CDH8: variants seen among roughly 807,000 people sequenced by gnomAD.
The protein encoded by CDH8 is cadherin-8.
A neutral mutation model predicts 68.1 loss-of-function variants in CDH8; 17 were observed. The observed-to-expected ratio is 0.25, with a 90% CI of 0.17 to 0.37. The LOEUF (loss-of-function observed/expected upper bound fraction) is 0.37. Among genes scored for constraint, CDH8 ranks in the 10% least tolerant of loss-of-function variants. The pLI is 1.00. For missense variants in CDH8, 763 were observed against 999.3 expected, an observed-to-expected ratio of 0.76 and a Z score of 3.19; for synonymous variants, 372 against 365.1, an observed-to-expected ratio of 1.02 and a Z score of -0.21.
Position 61,653,802 on chromosome 16 carries a change from G to A in CDH8, c.2206C>T (p.Pro736Ser). The change falls in exon 12 of 12, where the codon CCC becomes TCC. Residue 736 changes from proline to serine, a missense_variant. Physicochemically the swap from Pro to Ser is moderately conservative, Grantham distance 74 (BLOSUM62 -1). Transcript: ENST00000577390. ...NVRLHEADND[P>S]TAPPYDSIQI... ...ATGGAGTCATATGGCGGGGCCGTGG[G>A]ATCATTATCTGCCTCATGCAGCCTT... The A allele has an allele frequency of 6.2e-7, 1 of 1,614,128 alleles. No individual in the cohort carries two copies. The highest frequency in any genetic ancestry group is 1.1e-5 in the South Asian group (1 of 91,084).
intron 2 of CDH8, among the ~76,000 whole-genome samples, chr16:62,017,749 G>A (rs1901975959): frequency 6.6e-6 from 1 of 152,016 alleles, no homozygotes; most frequent in Non-Finnish European, 1.5e-5. Flanking sequence ...TGTTGCTTCT[G>A]ACCGAGGGAA....
intron 2 of CDH8, among the ~76,000 whole-genome samples, chr16:62,017,600 G>A (rs913318462): frequency 6.6e-6 from 1 of 152,158 alleles, no homozygotes; most frequent in Non-Finnish European, 1.5e-5. Flanking sequence ...ACTTGTGCCT[G>A]GGAGATCGAG....
At chr16:62,002,857 T>G (rs1050878215) in intron 2 of CDH8, among the ~76,000 whole-genome samples, 4 of 152,086 alleles carry the variant, frequency 2.6e-5, no homozygotes, top group Non-Finnish European at 5.9e-5. Flanking sequence ...ATCAAGACCA[T>G]CCTGGCTAAC....
At chr16:61,922,757 T>C (rs1426290957) in intron 2 of CDH8, among the ~76,000 whole-genome samples, 1 of 152,182 alleles carries the variant, frequency 6.6e-6, no homozygotes. Flanking sequence ...TGTAGATTCA[T>C]TCACATGGAA....
At chr16:61,846,399 A>G (rs1962806931) in intron 4 of CDH8, among the ~76,000 whole-genome samples, 1 of 152,042 alleles carries the variant, frequency 6.6e-6, no homozygotes, top group South Asian at 2.1e-4. Flanking sequence ...TACCCCACAC[A>G]TTTTGTCCCT....
intron 10 of CDH8, among the ~76,000 whole-genome samples, chr16:61,699,634 G>A (rs573841097): frequency 2.0e-5 from 3 of 152,192 alleles, no homozygotes; most frequent in African/African-American, 7.2e-5. Context: ...GAGTACAATG[G>A]CATGATCTTG....
chr16:61,943,876 A>G (rs1330538994), intron 2 of CDH8, among the ~76,000 whole-genome samples: 1 of 152,240 alleles, frequency 6.6e-6, no homozygotes, highest in Non-Finnish European at 1.5e-5. Context: ...CAGAAGAGTT[A>G]GGTGAGAACT....
At chr16:61,873,644 A>G (rs1477299465) in intron 3 of CDH8, among the ~76,000 whole-genome samples, 2 of 152,118 alleles carry the variant, frequency 1.3e-5, no homozygotes, top group Non-Finnish European at 2.9e-5. Flanking sequence ...TTTGTTTTTG[A>G]ATTTTGATTT....
chr16:61,848,730 A>T (rs1335682540), intron 4 of CDH8, among the ~76,000 whole-genome samples: 1 of 152,118 alleles, frequency 6.6e-6, no homozygotes, highest in Non-Finnish European at 1.5e-5. Flanking sequence ...GACACCTATT[A>T]GAAACTTAAA....
At chr16:61,831,339 T>G (rs1407118281) in intron 4 of CDH8, among the ~76,000 whole-genome samples, 1 of 151,826 alleles carries the variant, frequency 6.6e-6, no homozygotes, top group Non-Finnish European at 1.5e-5. Context: ...AGGATCATCT[T>G]GTTTAAAACC....
chr16:61,767,812 TA>T (rs1479554100), intron 8 of CDH8, among the ~76,000 whole-genome samples: 1 of 151,908 alleles, frequency 6.6e-6, no homozygotes, highest in Non-Finnish European at 1.5e-5. Context: ...TAAGTTACAA[TA>T]AAAAATAATA....
intron 3 of CDH8, among the ~76,000 whole-genome samples, chr16:61,893,215 T>C (rs1459413515): frequency 6.6e-6 from 1 of 152,068 alleles, no homozygotes; most frequent in Non-Finnish European, 1.5e-5. Flanking sequence ...CCTGTGTGAG[T>C]CTGTATCTTT....
rs570276835 is a variant in CDH8, at chr16:61,933,021, C to T, written c.253-31548G>A. The stretch of plus-strand genomic sequence containing the variant: ...TTGGTCAGTATAAATGAGGGATAAC[C>T]GCCCTTATTAAAAGGAAGTAATATT... On this transcript the variant is annotated intron_variant, in intron 2 of 11. Transcript: ENST00000577390. 1.1e-4 allele frequency among the ~76,000 whole-genome samples: 16 copies of T among 152,202 alleles called. No individual in the cohort carries two copies. In the South Asian group the frequency reaches 2.1e-3, roughly 20 times the overall value.
At chr16:61,704,524 T>C (rs1267495893) in intron 10 of CDH8, among the ~76,000 whole-genome samples, 1 of 152,186 alleles carries the variant, frequency 6.6e-6, no homozygotes, top group Non-Finnish European at 1.5e-5. Context: ...AAAGATCACT[T>C]CCATGATTTT....
intron 4 of CDH8, among the ~76,000 whole-genome samples, chr16:61,852,215 C>T (rs1962951527): frequency 6.6e-6 from 1 of 152,036 alleles, no homozygotes. Context: ...GTGAGAAAGA[C>T]ATTTTACTTC....
At chr16:61,674,954 A>C (rs1300884521) in intron 10 of CDH8, among the ~76,000 whole-genome samples, 1 of 151,694 alleles carries the variant, frequency 6.6e-6, no homozygotes, top group Admixed American at 6.6e-5. Context: ...CAAAAAAAAA[A>C]AAACAAAAAA....
intron 4 of CDH8, among the ~76,000 whole-genome samples, chr16:61,838,590 T>C (rs1259340480): frequency 6.6e-6 from 1 of 152,140 alleles, no homozygotes; most frequent in Admixed American, 6.6e-5. Flanking sequence ...TTTTCTGTTT[T>C]TGTGCTTCTT....
intron 10 of CDH8, among the ~76,000 whole-genome samples, chr16:61,709,611 G>T (rs902367723): frequency 3.4e-4 from 52 of 152,186 alleles, no homozygotes; most frequent in African/African-American, 1.0e-3. Flanking sequence ...GGGAGAGATG[G>T]AAGTTTGGAG....
At chr16:62,009,026 A>ACG (rs1261400697) in intron 2 of CDH8, among the ~76,000 whole-genome samples, 24 of 104,622 alleles carry the variant, frequency 2.3e-4, no homozygotes, top group African/African-American at 6.8e-4. Context: ...GTTCCTATAC[A>ACG]CACACAAAAA....
Sources: allele counts gnomAD v4.1 joint callset (sites outside exome capture counted in the v4.1 genomes callset), GRCh38; gene constraint gnomAD v4.1.1; transcripts MANE v1.5; gene names NCBI Gene and HGNC (gene_info 2026-07-23, HGNC 2026-07-21).